PSMF1: variants seen among roughly 807,000 people sequenced by gnomAD.
PSMF1 encodes proteasome inhibitor PI31 subunit.
In PSMF1, 30 loss-of-function variants were observed where a neutral mutation model predicts 29.3. That is an observed-to-expected ratio of 1.02 (90% confidence interval 0.77 to 1.39). PSMF1 has a LOEUF of 1.39. Among genes scored for constraint, PSMF1 ranks in the 40% most tolerant of loss-of-function variants. The pLI is 0.00. For synonymous variants in PSMF1, 134 were observed against 139.7 expected, an observed-to-expected ratio of 0.96 and a Z score of 0.29; for missense variants, 344 against 357.5, an observed-to-expected ratio of 0.96 and a Z score of 0.31.
At chr20:1,117,079 T>C (rs1458184872), upstream of PSMF1, among the ~76,000 whole-genome samples, 3 of 152,128 alleles carry the variant, frequency 2.0e-5, no homozygotes, top group African/African-American at 7.2e-5. Context: ...ATTCATAATA[T>C]ATTTTGAGAG....
chr20:1,129,193 T>G (rs1335950071), intron 3 of PSMF1, among the ~76,000 whole-genome samples: 1 of 152,124 alleles, frequency 6.6e-6, no homozygotes, highest in African/African-American at 2.4e-5. Context: ...TTTGCGTTTT[T>G]AATAGAGACA....
chr20:1,165,644 T>TC lies in PSMF1; in HGVS notation c.*568dup. On this transcript the variant is annotated 3_prime_UTR_variant, in exon 7 of 7. Transcript: ENST00000335877. Reference sequence around the variant, plus strand: ...TTGCTCCTGACATCACTAAGATGGGTCCCCTTCTGGCTGCATGAATGGAAA... The same window carrying TC: ...TTGCTCCTGACATCACTAAGATGGGTCCCCCTTCTGGCTGCATGAATGGAAA... The TC allele has an allele frequency of 1.0e-6, 1 of 996,794 alleles. No individual in the cohort carries two copies. The highest frequency in any genetic ancestry group is 1.2e-6 in the Non-Finnish European group (1 of 836,266). 61.7% of individuals were successfully genotyped at this position (996,794 alleles called of 1,614,324 possible). A position where few individuals can be genotyped will look rare whatever the true frequency, so the allele number is the denominator to read the frequency against.
chr20:1,131,224 A>G (rs1360914962), intron 3 of PSMF1, among the ~76,000 whole-genome samples: 1 of 152,222 alleles, frequency 6.6e-6, no homozygotes, highest in Non-Finnish European at 1.5e-5. Context: ...AGAACCTAGG[A>G]ATTATACTGG....
At position 1,125,504 on chromosome 20, in the gene PSMF1, C is replaced by A; in HGVS notation, c.136C>A (p.Pro46Thr). 2 of 1,607,302 alleles carry A rather than the reference C, an allele frequency of 1.2e-6. No homozygotes were observed. Among genetic ancestry groups the A allele is most frequent in the Non-Finnish European group, 1.7e-6 (2 of 1,176,862 alleles). Residue 46 changes from proline (P) to threonine (T), a missense_variant, in exon 2 of 7, where the codon CCC becomes ACC. Physicochemically the swap from Pro to Thr is conservative, Grantham distance 38 (BLOSUM62 -1). Coordinates refer to ENST00000335877, the MANE Select transcript of PSMF1 (RefSeq NM_006814.5). ...TCAACTGTGGTCTTCCCAGCCGGGT[C>A]CCAATGATAAGAAGTCAGAACTGCT... ...FGLGVGDQPG[P>T]NDKKSELLPA...
At chr20:1,118,043 T>C (rs2086029478), upstream of PSMF1, 1 of 152,190 alleles carries the variant, frequency 6.6e-6, no homozygotes, top group Admixed American at 6.5e-5. Flanking sequence ...GAGAGGGTGA[T>C]GTAAAGGTTT....
At chr20:1,124,146 G>T (rs756075873) in intron 1 of PSMF1, among the ~76,000 whole-genome samples, 7 of 152,120 alleles carry the variant, frequency 4.6e-5, no homozygotes, top group Non-Finnish European at 8.8e-5. Flanking sequence ...TAGAACAGAA[G>T]CTTTCAATTA....
chr20:1,159,807 A>G (rs1030744581), intron 4 of PSMF1, among the ~76,000 whole-genome samples: 5 of 152,194 alleles, frequency 3.3e-5, no homozygotes, highest in African/African-American at 1.2e-4. Flanking sequence ...GGCCTTGTCC[A>G]TTTAAATCAC....
At chr20:1,138,668 A>G (rs776561810) in intron 4 of PSMF1, among the ~76,000 whole-genome samples, 1 of 152,098 alleles carries the variant, frequency 6.6e-6, no homozygotes. Flanking sequence ...TACAAAAAAA[A>G]TTAAAAATTA....
chr20:1,160,770 G>T, intron 4 of PSMF1: 1 of 424,712 alleles, frequency 2.4e-6, no homozygotes, highest in South Asian at 1.9e-5. Context: ...GAGCAAGCAC[G>T]GCATCCTGAC....
At chr20:1,161,573 C>T (rs2086667844) in intron 4 of PSMF1, 9 of 622,400 alleles carry the variant, frequency 1.4e-5, no homozygotes, top group South Asian at 1.1e-4. Context: ...GCTCCCAGAG[C>T]GCAAGTACTC....
At chr20:1,143,743 T>G (rs1229857329) in intron 4 of PSMF1, among the ~76,000 whole-genome samples, 2 of 152,144 alleles carry the variant, frequency 1.3e-5, no homozygotes, top group African/African-American at 4.8e-5. Context: ...AGGATTCATA[T>G]CTAGATAAAG....
At chr20:1,145,562 G>A (rs1373599061) in intron 4 of PSMF1, among the ~76,000 whole-genome samples, 8 of 152,184 alleles carry the variant, frequency 5.3e-5, no homozygotes, top group Admixed American at 5.2e-4. Flanking sequence ...GACAGGCAGT[G>A]GAGCTAGAGC....
In PSMF1 at chr20:1,164,039, G is replaced by C. The variant is rs1379755243; in HGVS notation, c.606-279G>C. On this transcript the variant is annotated intron_variant, in intron 5 of 6. Coordinates refer to ENST00000335877, the MANE Select transcript of PSMF1 (RefSeq NM_006814.5). This position sits in a 1 kb window ranked among gnomAD's most constrained non-coding sequence, Gnocchi z 4.1. ...CCCTCTTGAGTATATGATATGGCAG[G>C]GATCTCAATTTTGAGGAGCCCTACA... is the stretch of plus-strand genomic sequence containing the variant. Among the ~76,000 whole-genome samples the C allele has an allele frequency of 6.6e-6, 1 of 152,094 alleles. No homozygotes were observed. Among genetic ancestry groups the C allele is most frequent in the East Asian group, 1.9e-4 (1 of 5,192 alleles).
At position 1,166,045 on chromosome 20, in the gene PSMF1, C is replaced by A; in HGVS notation, c.*965C>A. The stretch of plus-strand genomic sequence containing the variant: ...AAAAGAATGATGGTTCAAGGCCATA[C>A]TTCCCTTGAACCTTGTGTGGTTCTT... On this transcript the variant is annotated 3_prime_UTR_variant, in exon 7 of 7. Transcript: ENST00000335877. 6.8e-7 allele frequency: 1 copy of A among 1,466,686 alleles called. No individual in the cohort carries two copies. Among genetic ancestry groups the A allele is most frequent in the Non-Finnish European group, 9.0e-7 (1 of 1,106,220 alleles). 90.9% of individuals were successfully genotyped at this position (1,466,686 alleles called of 1,614,324 possible). A position where few individuals can be genotyped will look rare whatever the true frequency, so the allele number is the denominator to read the frequency against.
intron 1 of PSMF1, among the ~76,000 whole-genome samples, chr20:1,121,212 T>TTC (rs779644550): frequency 9.5e-4 from 145 of 152,314 alleles, no homozygotes; most frequent in Admixed American, 1.8e-3. Flanking sequence ...TTCGTTGAGC[T>TTC]TCTGCAGGCC....
chr20:1,150,887 G>A (rs191634216), intron 4 of PSMF1, among the ~76,000 whole-genome samples: 2 of 152,126 alleles, frequency 1.3e-5, no homozygotes, highest in Admixed American at 6.5e-5. Flanking sequence ...TCTCCTAGAA[G>A]CTTTAATGGT....
intron 4 of PSMF1, among the ~76,000 whole-genome samples, chr20:1,144,542 G>A (rs1414399183): frequency 6.6e-6 from 1 of 152,212 alleles, no homozygotes; most frequent in African/African-American, 2.4e-5. Flanking sequence ...CTCCTCCAGT[G>A]ATGAATAGTT....
intron 4 of PSMF1, chr20:1,160,605 C>T (rs1449504390): frequency 8.0e-6 from 4 of 498,188 alleles, no homozygotes; most frequent in Admixed American, 2.2e-5. Context: ...GATCACCATA[C>T]TCGTCATTGA....
At chr20:1,124,111 C>T (rs2086124241) in intron 1 of PSMF1, among the ~76,000 whole-genome samples, 1 of 152,152 alleles carries the variant, frequency 6.6e-6, no homozygotes, top group Non-Finnish European at 1.5e-5. Context: ...GCCTGTGGCT[C>T]CTTATTAATT....
Sources: allele counts gnomAD v4.1 joint callset (sites outside exome capture counted in the v4.1 genomes callset), GRCh38; gene constraint gnomAD v4.1.1; non-coding constraint Gnocchi (gnomAD v3.1); transcripts MANE v1.5; gene names NCBI Gene and HGNC (gene_info 2026-07-23, HGNC 2026-07-21).